The following SLC25A23 variants were observed in gnomAD, a reference collection of about 807,000 sequenced individuals.
SLC25A23 encodes mitochondrial adenyl nucleotide antiporter SLC25A23.
In SLC25A23, 32 loss-of-function variants were observed where a neutral mutation model predicts 53.9. The ratio of observed to expected loss-of-function variants is 0.59; its 90% CI spans 0.45 to 0.80. The LOEUF is 0.80. Ranked by LOEUF, SLC25A23 falls within the 30% of genes least tolerant of loss-of-function variation. SLC25A23 has a pLI of 0.00. For synonymous variants in SLC25A23, 275 were observed against 264.5 expected (o/e 1.04, Z -0.38); for missense variants, 575 against 651.4 (o/e 0.88, Z 1.28).
downstream of SLC25A23, among the ~76,000 whole-genome samples, chr19:6,438,007 G>A (rs1345339467): frequency 8.0e-5 from 12 of 150,444 alleles, no homozygotes; most frequent in South Asian, 2.1e-4. Flanking sequence ...CCCGGGAGGC[G>A]GAGCTTGCAG....
At chr19:6,452,243 A>G in intron 8 of SLC25A23, 69 bp downstream of exon 8, 1 of 1,536,650 alleles carries the variant, frequency 6.5e-7, no homozygotes, top group Non-Finnish European at 8.8e-7. Context: ...CCCCAGGGGA[A>G]GGGGAAGGGG....
chr19:6,439,047 ACAAG>A (rs1459965548), downstream of SLC25A23, among the ~76,000 whole-genome samples: 1 of 151,734 alleles, frequency 6.6e-6, no homozygotes, highest in Non-Finnish European at 1.5e-5. Context: ...TCACAAACAA[ACAAG>A]CAAGCACAGA....
chr19:6,445,574 C>A (rs995343116), intron 8 of SLC25A23, among the ~76,000 whole-genome samples: 3 of 152,160 alleles, frequency 2.0e-5, no homozygotes, highest in Non-Finnish European at 4.4e-5. Flanking sequence ...AAACAGATTT[C>A]CTCCTGGAGC....
At chr19:6,439,068 C>CA (rs1443851429), downstream of SLC25A23, among the ~76,000 whole-genome samples, 2 of 150,126 alleles carry the variant, frequency 1.3e-5, no homozygotes, top group Admixed American at 1.3e-4. Context: ...CAGAAACAAA[C>CA]AAAAAGTTGG....
rs769915335 is a variant in SLC25A23 at position 6,454,740 on chromosome 19, T to G, written c.484-23A>C. ...GACCTAAAGATACAGGTGTTGGGGG[T>G]GTCATGCCATGGTGGGGACAGGGAG... On this transcript the variant is annotated intron_variant, in intron 4 of 9. Transcript: ENST00000301454. This position sits in a 1 kb window ranked among gnomAD's most constrained non-coding sequence, Gnocchi z 4.3. 28 of 1,611,446 alleles carry G rather than the reference T, an allele frequency of 1.7e-5. No individual in the cohort carries two copies. The East Asian group carries it at 5.8e-4, about 33-fold the overall frequency.
Position 6,459,703 on chromosome 19 carries a change from C to T in SLC25A23, c.-75G>A, listed in dbSNP as rs1048923922. 1 of 1,198,230 alleles carries T rather than the reference C, an allele frequency of 8.3e-7. No individual in the cohort carries two copies. The highest frequency in any genetic ancestry group is 1.0e-6 in the Non-Finnish European group (1 of 957,274). 74.2% of individuals were successfully genotyped at this position (1,198,230 alleles called of 1,614,324 possible). A position where few individuals can be genotyped will look rare whatever the true frequency, so the allele number is the denominator to read the frequency against. ...GGGCTTCGCGGCTCCCCCTCCCCCCCCGGGACCCCGCAGGGTCAGCTCCCG... is the reference window on the plus strand; with the variant it reads ...GGGCTTCGCGGCTCCCCCTCCCCCCTCGGGACCCCGCAGGGTCAGCTCCCG... On this transcript the variant is annotated 5_prime_UTR_variant, in exon 1 of 10. Coordinates refer to ENST00000301454, the MANE Select transcript of SLC25A23 (RefSeq NM_024103.3). The surrounding 1 kb of genome is among the most constrained non-coding windows in gnomAD (Gnocchi z 4.6).
Position 6,458,331 on chromosome 19 carries a change from G to T in SLC25A23, c.157-7C>A, listed in dbSNP as rs759517956. ...CACCCTCAGAGGAGATACCCTGACAGAGGGAAAGGGGATAGAGGTGGCTCC... is the reference window on the plus strand; with the variant it reads ...CACCCTCAGAGGAGATACCCTGACATAGGGAAAGGGGATAGAGGTGGCTCC... On this transcript the variant is annotated splice_region_variant and splice_polypyrimidine_tract_variant and intron_variant, in intron 1 of 9. Coordinates refer to ENST00000301454, the MANE Select transcript of SLC25A23 (RefSeq NM_024103.3). 5 of 1,611,918 alleles carry T rather than the reference G, an allele frequency of 3.1e-6. No homozygotes were observed. Among genetic ancestry groups the T allele is most frequent in the Non-Finnish European group, 4.2e-6 (5 of 1,179,692 alleles).
chr19:6,446,294 C>T (rs959314244), intron 8 of SLC25A23, among the ~76,000 whole-genome samples: 22 of 152,026 alleles, frequency 1.4e-4, no homozygotes, highest in Non-Finnish European at 2.1e-4. Context: ...ACCGGGGAGG[C>T]GGAGGTTGCA....
chr19:6,444,395 G>T, intron 8 of SLC25A23, 94 bp from the exon 9 acceptor site: 1 of 1,361,308 alleles, frequency 7.3e-7, no homozygotes. Context: ...CCCATGACAG[G>T]TGCTACTAGC....
intron 7 of SLC25A23, 22 bp downstream of exon 7, chr19:6,453,959 C>T (rs760120397): frequency 3.6e-5 from 58 of 1,595,120 alleles, no homozygotes; most frequent in African/African-American, 9.4e-5. Context: ...ATGGGGCCTC[C>T]GCTGGGGTCC....
chr19:6,441,004 G>A lies in SLC25A23; in HGVS notation c.*971C>T, dbSNP rs1053400282. The A allele has an allele frequency of 6.6e-6, 1 of 152,190 alleles. No homozygotes were observed. Among genetic ancestry groups the A allele is most frequent in the Non-Finnish European group, 1.5e-5 (1 of 68,056 alleles). The allele number at this position is 152,190 out of a possible 1,614,324, so 9.4% of individuals were successfully genotyped here. A position where few individuals can be genotyped will look rare whatever the true frequency, so the allele number is the denominator to read the frequency against. ...ACTGGGCAGAGGGATTGGGGACCCA[G>A]AATCTGGAATCCAGCAGCTGCAGTT... On this transcript the variant is annotated 3_prime_UTR_variant, in exon 10 of 10. Transcript: ENST00000301454.
At chr19:6,446,309 G>A (rs950095144) in intron 8 of SLC25A23, among the ~76,000 whole-genome samples, 2 of 150,662 alleles carry the variant, frequency 1.3e-5, no homozygotes, top group Non-Finnish European at 1.5e-5. Flanking sequence ...GTTGCAGCGA[G>A]GCAAGATCAC....
chr19:6,453,947 C>T (rs759226925), intron 7 of SLC25A23, 34 bp downstream of exon 7: 2 of 1,553,662 alleles, frequency 1.3e-6, no homozygotes, highest in Non-Finnish European at 1.8e-6. Flanking sequence ...CCCCACCCTG[C>T]CATGGGGCCT....
In SLC25A23 at chr19:6,458,102, TCTC is replaced by T. The variant is rs1252861021; in HGVS notation, c.283+93_283+95del. 1.8e-5 allele frequency: 26 copies of T among 1,468,148 alleles called. No individual in the cohort carries two copies. The East Asian group carries it at 1.8e-4, about 10-fold the overall frequency. The allele number at this position is 1,468,148 out of a possible 1,614,324, so 90.9% of individuals were successfully genotyped here. A position where few individuals can be genotyped will look rare whatever the true frequency, so the allele number is the denominator to read the frequency against. ...CATCGGGGAGAAGCGGCCCTCCCCCTCTCCTCCTAGCGCTGCCAGTTCTAACCC... is the reference window on the plus strand; with the variant it reads ...CATCGGGGAGAAGCGGCCCTCCCCCTCTCCTAGCGCTGCCAGTTCTAACCC... On this transcript the variant is annotated intron_variant, in intron 2 of 9. Coordinates refer to ENST00000301454, the MANE Select transcript of SLC25A23 (RefSeq NM_024103.3).
intron 3 of SLC25A23, 74 bp downstream of exon 3, chr19:6,457,429 G>T: frequency 1.5e-6 from 2 of 1,354,742 alleles, no homozygotes. Context: ...TGGGTCTGGA[G>T]CCCAGAAGAC....
intron 8 of SLC25A23, among the ~76,000 whole-genome samples, chr19:6,447,550 C>T (rs1307583960): frequency 6.6e-6 from 1 of 152,214 alleles, no homozygotes; most frequent in Non-Finnish European, 1.5e-5. Flanking sequence ...ATGGCACCAT[C>T]TCGGCTCACT....
downstream of SLC25A23, chr19:6,440,013 A>T (rs2092396078): frequency 6.6e-6 from 1 of 152,120 alleles, no homozygotes; most frequent in South Asian, 2.1e-4. Context: ...CTAGGGGTAG[A>T]CTAAGGTGGT....
Position 6,454,813 on chromosome 19 carries a change from T to A in SLC25A23, c.484-96A>T. Reference sequence around the variant, plus strand: ...GGAGTCTCCTCTATGAATCCTAGGATACCCTAGAGTCTGCCAATGACTCTT... The same window carrying A: ...GGAGTCTCCTCTATGAATCCTAGGAAACCCTAGAGTCTGCCAATGACTCTT... On this transcript the variant is annotated intron_variant, in intron 4 of 9. Coordinates refer to ENST00000301454, the MANE Select transcript of SLC25A23 (RefSeq NM_024103.3). The surrounding 1 kb of genome is among the most constrained non-coding windows in gnomAD (Gnocchi z 4.3). The A allele has an allele frequency of 7.2e-7, 1 of 1,386,538 alleles. No homozygotes were observed. Among genetic ancestry groups the A allele is most frequent in the Admixed American group, 2.1e-5 (1 of 48,144 alleles). 85.9% of individuals were successfully genotyped at this position (1,386,538 alleles called of 1,614,324 possible).
At chr19:6,436,940 C>A, downstream of SLC25A23, among the ~76,000 whole-genome samples, 1 of 152,254 alleles carries the variant, frequency 6.6e-6, no homozygotes, top group South Asian at 2.1e-4. Context: ...CCTCCACCTC[C>A]TGGGTTCAAG....
Sources: gnomAD v4.1 joint callset for allele counts (sites outside exome capture counted in the v4.1 genomes callset) on GRCh38, gnomAD v4.1.1 for gene constraint, Gnocchi (gnomAD v3.1) non-coding constraint, MANE v1.5 for transcripts, NCBI Gene and HGNC (gene_info 2026-07-23, HGNC 2026-07-21) for gene names.